PRRC1: variants seen among roughly 807,000 people sequenced by gnomAD.
PRRC1 encodes the protein proline rich coiled-coil 1.
A neutral mutation model predicts 40.7 loss-of-function variants in PRRC1; 39 were observed. The ratio of observed to expected loss-of-function variants is 0.96; its 90% CI spans 0.74 to 1.25. The LOEUF is 1.25. Among genes scored for constraint, PRRC1 ranks in the 50% most tolerant of loss-of-function variants. The pLI, the probability that PRRC1 is intolerant of heterozygous loss-of-function variation, is 0.00. For missense variants in PRRC1, 573 were observed against 548.3 expected (o/e 1.05, Z -0.45); for synonymous variants, 175 against 193.3 (o/e 0.91, Z 0.79).
In PRRC1 at chr5:127,553,134, C is replaced by G. The variant is rs550238562; in HGVS notation, c.*1218C>G. On this transcript the variant is annotated 3_prime_UTR_variant, in exon 9 of 9. Transcript: ENST00000296666. ...ATAAATGTAATTTAATTTTTTTACTCTTCTATACAGTTCTTTAGATGTAAA... is the reference window on the plus strand; with the variant it reads ...ATAAATGTAATTTAATTTTTTTACTGTTCTATACAGTTCTTTAGATGTAAA... 2.2e-4 allele frequency: 215 copies of G among 957,822 alleles called. 3 individuals carry two copies. The South Asian group carries it at 9.6e-3, about 43-fold the overall frequency. 59.3% of individuals were successfully genotyped at this position (957,822 alleles called of 1,614,324 possible).
chr5:127,541,660 G>A (rs547324938), intron 7 of PRRC1, among the ~76,000 whole-genome samples: 198 of 152,188 alleles, frequency 1.3e-3, no homozygotes, highest in African/African-American at 4.2e-3. Flanking sequence ...GTTTATTTGC[G>A]TAGAGTTGTT....
At chr5:127,541,014 A>G (rs1768029934) in intron 7 of PRRC1, among the ~76,000 whole-genome samples, 2 of 152,038 alleles carry the variant, frequency 1.3e-5, no homozygotes, top group African/African-American at 4.8e-5. Flanking sequence ...TGGGTTTGTC[A>G]TAGATAGCTC....
At chr5:127,523,350 G>A in intron 1 of PRRC1, 110 bp from the exon 2 acceptor site, 1 of 521,524 alleles carries the variant, frequency 1.9e-6, no homozygotes, top group Non-Finnish European at 3.3e-6. Flanking sequence ...AAACAGTAAA[G>A]GTGGACATCT....
intron 1 of PRRC1, among the ~76,000 whole-genome samples, chr5:127,518,472 T>C (rs1342296026): frequency 6.6e-6 from 1 of 152,258 alleles, no homozygotes; most frequent in Non-Finnish European, 1.5e-5. Flanking sequence ...GAAGTAGTTA[T>C]TTTGAGAGAC....
At chr5:127,520,166 T>G (rs1767421981) in intron 1 of PRRC1, among the ~76,000 whole-genome samples, 1 of 152,260 alleles carries the variant, frequency 6.6e-6, no homozygotes, top group Admixed American at 6.5e-5. Context: ...CCTAACCTCT[T>G]CATGCTATAT....
chr5:127,533,765 G>A lies in PRRC1; in HGVS notation c.900G>A (p.Val300=), dbSNP rs369326704. 5.6e-6 allele frequency: 9 copies of A among 1,613,866 alleles called. No homozygotes were observed. Among genetic ancestry groups the A allele is most frequent in the Non-Finnish European group, 7.6e-6 (9 of 1,179,992 alleles). Residue 300 remains valine, a synonymous_variant, in exon 6 of 9, where the codon GTG becomes GTA. Coordinates refer to ENST00000296666, the MANE Select transcript of PRRC1 (RefSeq NM_130809.5). ...AGQSNIAPQP[V]GYAAGLKGAQ... is the part of the protein sequence containing the mutation. The stretch of plus-strand genomic sequence containing the variant: ...AGTCCAATATTGCCCCACAACCAGT[G>A]GGCTATGCAGCTGGATTAAAAGTGA...
intron 7 of PRRC1, among the ~76,000 whole-genome samples, chr5:127,543,315 T>A (rs1287224001): frequency 6.6e-6 from 1 of 152,058 alleles, no homozygotes; most frequent in African/African-American, 2.4e-5. Flanking sequence ...ATTTTTTCCT[T>A]CATTTCAACT....
Position 127,553,737 on chromosome 5 carries a change from T to C in PRRC1, c.*1821T>C. 6.6e-7 allele frequency: 1 copy of C among 1,515,088 alleles called. No homozygotes were observed. The highest frequency in any genetic ancestry group is 8.8e-7 in the Non-Finnish European group (1 of 1,140,328). 93.9% of individuals were successfully genotyped at this position (1,515,088 alleles called of 1,614,324 possible). A position where few individuals can be genotyped will look rare whatever the true frequency, so the allele number is the denominator to read the frequency against. On this transcript the variant is annotated 3_prime_UTR_variant, in exon 9 of 9. Transcript: ENST00000296666. ...GATTTTTATTTTACCAAGTCACAAA[T>C]GTCTTTTTGATGTTTTGAGAATTGT...
chr5:127,530,163 CCTTATATATCT>C, intron 4 of PRRC1, 120 bp from the exon 5 acceptor site: 1 of 663,606 alleles, frequency 1.5e-6, no homozygotes, highest in South Asian at 2.1e-5. Flanking sequence ...ATTGTCATGA[CCTTATATATCT>C]TACAAAAGTA....
At chr5:127,522,022 G>A (rs31190) in intron 1 of PRRC1, among the ~76,000 whole-genome samples, 1 of 151,856 alleles carries the variant, frequency 6.6e-6, no homozygotes, top group African/African-American at 2.4e-5. Context: ...TGATTGTTTC[G>A]TGTACTAGAC....
At chr5:127,526,507 T>C (rs1767617031) in intron 3 of PRRC1, 111 bp from the exon 4 acceptor site, 2 of 710,284 alleles carry the variant, frequency 2.8e-6, no homozygotes, top group Non-Finnish European at 4.5e-6. Flanking sequence ...ATTGTATAAC[T>C]CAGTCTTCAA....
At chr5:127,545,636 T>C (rs1386826001) in intron 7 of PRRC1, among the ~76,000 whole-genome samples, 1 of 91,652 alleles carries the variant, frequency 1.1e-5, no homozygotes, top group African/African-American at 4.3e-5. Context: ...GGGACTGTTG[T>C]GGGGTGGGGG....
intron 4 of PRRC1, among the ~76,000 whole-genome samples, chr5:127,528,239 A>G (rs1580933159): frequency 6.6e-6 from 1 of 152,150 alleles, no homozygotes; most frequent in East Asian, 1.9e-4. Flanking sequence ...TCATTTTAAT[A>G]CCCTTTTTGA....
chr5:127,540,428 G>A (rs745519928), intron 7 of PRRC1, among the ~76,000 whole-genome samples: 7 of 151,918 alleles, frequency 4.6e-5, no homozygotes, highest in Admixed American at 1.3e-4. Context: ...GACATAACTG[G>A]TAATGTTCTT....
chr5:127,526,764 T>C lies in PRRC1; in HGVS notation c.640T>C (p.Trp214Arg). 6.2e-7 allele frequency: 1 copy of C among 1,605,812 alleles called. No homozygotes were observed. Among genetic ancestry groups the C allele is most frequent in the Non-Finnish European group, 8.5e-7 (1 of 1,176,326 alleles). Residue 214 changes from tryptophan (W) to arginine (R), a missense_variant, in exon 4 of 9, where the codon TGG becomes CGG. By Grantham distance (101) the Trp-to-Arg change is moderately radical. Coordinates refer to ENST00000296666, the MANE Select transcript of PRRC1 (RefSeq NM_130809.5). Reference sequence around the variant, plus strand: ...GGATGAAGCATCTGCTGGTGGAATCTGGGGTTTTATTAAGGTAAGACGTGT... The same window carrying C: ...GGATGAAGCATCTGCTGGTGGAATCCGGGGTTTTATTAAGGTAAGACGTGT... ...GQDEASAGGIWGFIKGVAGNP... is the reference protein window; with the variant it reads ...GQDEASAGGIRGFIKGVAGNP...
chr5:127,524,404 TA>T (rs1475025474), intron 2 of PRRC1, 126 bp from the exon 3 acceptor site: 11 of 842,300 alleles, frequency 1.3e-5, no homozygotes, highest in Non-Finnish European at 7.4e-6. Context: ...TTACACATTT[TA>T]AAATAATTCT....
chr5:127,530,496 T>A, intron 5 of PRRC1, 100 bp downstream of exon 5: 1 of 624,258 alleles, frequency 1.6e-6, no homozygotes. Context: ...ACTGATTGTG[T>A]AATCAGTGGA....
chr5:127,529,138 AT>A (rs937496402), intron 4 of PRRC1, among the ~76,000 whole-genome samples: 1 of 151,360 alleles, frequency 6.6e-6, no homozygotes, highest in Non-Finnish European at 1.5e-5. Flanking sequence ...ATCTTTCCCA[AT>A]TTTTTTTGCA....
intron 1 of PRRC1, among the ~76,000 whole-genome samples, chr5:127,522,068 A>G (rs1203650413): frequency 6.6e-6 from 1 of 152,158 alleles, no homozygotes; most frequent in East Asian, 1.9e-4. Context: ...AATCATTGTC[A>G]TTTCCAAAGG....
Sources: gnomAD v4.1 joint callset for allele counts (sites outside exome capture counted in the v4.1 genomes callset) on GRCh38, gnomAD v4.1.1 for gene constraint, MANE v1.5 for transcripts, NCBI Gene and HGNC (gene_info 2026-07-23, HGNC 2026-07-21) for gene names.